NCOA7: variants seen among roughly 807,000 people sequenced by gnomAD.
NCOA7 encodes the protein nuclear receptor coactivator 7.
In NCOA7, 45 loss-of-function variants were observed where a neutral mutation model predicts 104.3. That is an observed-to-expected ratio of 0.43 (90% CI 0.34 to 0.55). The LOEUF (loss-of-function observed/expected upper bound fraction) is 0.55. Among genes scored for constraint, NCOA7 ranks in the 20% least tolerant of loss-of-function variants. NCOA7 has a pLI of 0.02. For missense variants in NCOA7, 1,041 were observed against 1,119.7 expected (o/e 0.93, Z 1.00); for synonymous variants, 398 against 402.3 (o/e 0.99, Z 0.13).
intron 2 of NCOA7, chr6:125,818,836 A>AG (rs1358287200): frequency 6.6e-6 from 1 of 152,450 alleles, no homozygotes; most frequent in Admixed American, 6.5e-5. Context: ...GACAATGTAG[A>AG]GCAGAGTTCT....
chr6:125,792,548 AG>A (rs1386367090), intron 1 of NCOA7, among the ~76,000 whole-genome samples: 1 of 152,208 alleles, frequency 6.6e-6, no homozygotes, highest in East Asian at 1.9e-4. Context: ...TGAGTTTTTC[AG>A]GTTTGATCTA....
chr6:125,920,160 G>A (rs2128695658), intron 11 of NCOA7, among the ~76,000 whole-genome samples: 1 of 152,308 alleles, frequency 6.6e-6, no homozygotes, highest in Non-Finnish European at 1.5e-5. Flanking sequence ...ATGTTTCTAG[G>A]TTTAGAAGGG....
At chr6:125,803,015 CCT>C (rs1393013859) in intron 1 of NCOA7, among the ~76,000 whole-genome samples, 9 of 152,180 alleles carry the variant, frequency 5.9e-5, no homozygotes, top group African/African-American at 2.2e-4. Context: ...ATACTACATG[CCT>C]CTCTCTGTTG....
chr6:125,833,898 CCTT>C (rs1779397162), intron 2 of NCOA7, among the ~76,000 whole-genome samples: 1 of 152,114 alleles, frequency 6.6e-6, no homozygotes. Context: ...TAAGTAAGGC[CCTT>C]CTTCCCTTTG....
At chr6:125,817,686 T>C (rs1301936758) in intron 2 of NCOA7, among the ~76,000 whole-genome samples, 1 of 152,196 alleles carries the variant, frequency 6.6e-6, no homozygotes, top group Non-Finnish European at 1.5e-5. Flanking sequence ...AAATATTTTC[T>C]CCCGGACTGT....
chr6:125,878,239 C>T (rs765526878), intron 4 of NCOA7, 24 bp from the exon 5 acceptor site: 5 of 1,551,766 alleles, frequency 3.2e-6, no homozygotes, highest in Non-Finnish European at 4.4e-6. Flanking sequence ...TATTTATTGA[C>T]TCTTACCTGT....
At chr6:125,891,153 C>A (rs941309826) in intron 10 of NCOA7, among the ~76,000 whole-genome samples, 10 of 152,132 alleles carry the variant, frequency 6.6e-5, no homozygotes, top group African/African-American at 1.9e-4. Flanking sequence ...GATCCAAACA[C>A]CTCTTAAGTG....
At chr6:125,783,549 A>C (rs1386656821) in intron 1 of NCOA7, among the ~76,000 whole-genome samples, 1 of 151,984 alleles carries the variant, frequency 6.6e-6, no homozygotes, top group Non-Finnish European at 1.5e-5. Flanking sequence ...TGTTTTAGTG[A>C]GTTTTTATTC....
chr6:125,833,846 CT>C (rs1336469780), intron 2 of NCOA7, among the ~76,000 whole-genome samples: 2 of 152,150 alleles, frequency 1.3e-5, no homozygotes, highest in African/African-American at 4.8e-5. Context: ...AGTTTTGCCC[CT>C]AACTTCTAAC....
chr6:125,851,231 A>G (rs955240162), intron 2 of NCOA7, among the ~76,000 whole-genome samples: 2 of 152,084 alleles, frequency 1.3e-5, no homozygotes, highest in Non-Finnish European at 2.9e-5. Flanking sequence ...TGTACATTGT[A>G]CCCAATATGT....
intron 2 of NCOA7, among the ~76,000 whole-genome samples, chr6:125,818,139 C>A (rs1176192690): frequency 1.3e-5 from 2 of 151,054 alleles, no homozygotes; most frequent in African/African-American, 4.9e-5. Flanking sequence ...TTTCTTTCTT[C>A]TTCACTTGCC....
intron 2 of NCOA7, among the ~76,000 whole-genome samples, chr6:125,849,707 GAAGA>G (rs772030470): frequency 6.6e-6 from 1 of 152,214 alleles, no homozygotes; most frequent in Non-Finnish European, 1.5e-5. Context: ...GATAGGATTA[GAAGA>G]TAGAATTGAC....
intron 3 of NCOA7, among the ~76,000 whole-genome samples, chr6:125,863,066 G>A (rs1416065038): frequency 7.2e-6 from 1 of 139,062 alleles, no homozygotes; most frequent in Non-Finnish European, 1.5e-5. Flanking sequence ...ATGGTAAACT[G>A]TGTTCTGTAG....
chr6:125,818,308 A>G (rs991483212), intron 2 of NCOA7, among the ~76,000 whole-genome samples: 5 of 152,194 alleles, frequency 3.3e-5, no homozygotes, highest in African/African-American at 7.2e-5. Flanking sequence ...CTGAGAATAC[A>G]AACCAAAACT....
At chr6:125,855,438 C>T (rs1781472512) in intron 3 of NCOA7, 198 bp downstream of exon 3, 1 of 510,694 alleles carries the variant, frequency 2.0e-6, no homozygotes, top group African/African-American at 1.9e-5. Context: ...AATTTGTGTT[C>T]CCAGCATTTA....
Position 125,915,351 on chromosome 6 carries a change from A to G in NCOA7, c.2115A>G (p.Thr705=). 2 of 1,613,858 alleles carry G rather than the reference A, an allele frequency of 1.2e-6. No homozygotes were observed. The highest frequency in any genetic ancestry group is 1.7e-6 in the Non-Finnish European group (2 of 1,179,768). ...TTTTCAGGGTGGATCATTTGTACAC[A>G]TTCTTTGTTCAGTGGTCTCCCGATG... ...VPRERVDHLY[T]FFVQWSPDVY... The change falls in exon 11 of 16, where the codon ACA becomes ACG. Residue 705 remains threonine, a synonymous_variant. Transcript: ENST00000392477.
chr6:125,902,960 C>T (rs984003406), intron 10 of NCOA7, among the ~76,000 whole-genome samples: 4 of 152,128 alleles, frequency 2.6e-5, no homozygotes, highest in Non-Finnish European at 5.9e-5. Flanking sequence ...AAATTAGTTG[C>T]TGCTGCTGCT....
chr6:125,892,939 C>G (rs1332513546), intron 10 of NCOA7, among the ~76,000 whole-genome samples: 1 of 152,116 alleles, frequency 6.6e-6, no homozygotes. Flanking sequence ...TGTCTACCTC[C>G]CCTGAAGGGA....
At chr6:125,818,397 T>G (rs1777802928) in intron 2 of NCOA7, among the ~76,000 whole-genome samples, 1 of 152,170 alleles carries the variant, frequency 6.6e-6, no homozygotes, top group South Asian at 2.1e-4. Context: ...CTGAAAAGTA[T>G]TCTAAAAATG....
Sources: allele counts gnomAD v4.1 joint callset (sites outside exome capture counted in the v4.1 genomes callset), GRCh38; gene constraint gnomAD v4.1.1; transcripts MANE v1.5; gene names NCBI Gene and HGNC (gene_info 2026-07-23, HGNC 2026-07-21).